IMPG2: variants seen among roughly 807,000 people sequenced by gnomAD.
IMPG2 encodes interphotoreceptor matrix proteoglycan 2, also known as IPM 200.
A neutral mutation model predicts 129.2 loss-of-function variants in IMPG2; 91 were observed. The ratio of observed to expected loss-of-function variants is 0.70; its 90% CI spans 0.59 to 0.84. IMPG2 has a LOEUF of 0.84. Ranked by LOEUF, IMPG2 falls within the 40% of genes least tolerant of loss-of-function variation. IMPG2 has a pLI of 0.00. For synonymous variants in IMPG2, 510 were observed against 517.7 expected (o/e 0.99, Z 0.20); for missense variants, 1,430 against 1,461.7 (o/e 0.98, Z 0.35).
chr3:101,229,322 TC>T (rs929225558), intron 17 of IMPG2, 57 bp downstream of exon 17: 24 of 416,570 alleles, frequency 5.8e-5, no homozygotes, highest in Non-Finnish European at 1.0e-4. Flanking sequence ...CACCCCCTGC[TC>T]CCCCACACAC....
chr3:101,288,718 G>A (rs1706972783), intron 4 of IMPG2, among the ~76,000 whole-genome samples: 1 of 152,106 alleles, frequency 6.6e-6, no homozygotes, highest in Non-Finnish European at 1.5e-5. Flanking sequence ...GTAGGTGTGG[G>A]TTGAAAAACT....
chr3:101,248,512 T>C (rs1706509311), intron 11 of IMPG2, among the ~76,000 whole-genome samples: 1 of 152,196 alleles, frequency 6.6e-6, no homozygotes, highest in African/African-American at 2.4e-5. Context: ...CAGTGCCCCT[T>C]GTCTCTCTGT....
intron 11 of IMPG2, 119 bp downstream of exon 11, chr3:101,253,577 G>C (rs1368558920): frequency 1.3e-6 from 1 of 746,912 alleles, no homozygotes; most frequent in Non-Finnish European, 2.4e-6. Flanking sequence ...TAGGGATGAT[G>C]CAAGAGAATA....
chr3:101,265,323 C>G (rs1332098066), intron 9 of IMPG2, among the ~76,000 whole-genome samples: 1 of 152,080 alleles, frequency 6.6e-6, no homozygotes, highest in African/African-American at 2.4e-5. Context: ...GTCATCAAAA[C>G]AGCCTGGTAC....
intron 3 of IMPG2, among the ~76,000 whole-genome samples, chr3:101,292,863 A>T (rs1275240686): frequency 6.6e-6 from 1 of 152,230 alleles, no homozygotes; most frequent in Non-Finnish European, 1.5e-5. Context: ...AGTAGATTCC[A>T]TCTGAAGGAA....
chr3:101,319,360 T>TTA (rs2058799984), intron 2 of IMPG2, among the ~76,000 whole-genome samples: 1 of 152,164 alleles, frequency 6.6e-6, no homozygotes, highest in Non-Finnish European at 1.5e-5. Context: ...TTAAATGATA[T>TTA]TATTGCCTTA....
intron 2 of IMPG2, among the ~76,000 whole-genome samples, chr3:101,305,520 T>C (rs992704673): frequency 6.6e-6 from 1 of 152,150 alleles, no homozygotes; most frequent in Non-Finnish European, 1.5e-5. Context: ...GCACATAAAT[T>C]GTAACACATA....
intron 15 of IMPG2, among the ~76,000 whole-genome samples, chr3:101,232,557 AT>A (rs921239325): frequency 1.3e-5 from 2 of 148,964 alleles, no homozygotes; most frequent in African/African-American, 2.5e-5. Context: ...TATTTAGACA[AT>A]TTTTTTTTTG....
chr3:101,316,619 G>C (rs1045705108), intron 2 of IMPG2, among the ~76,000 whole-genome samples: 1 of 152,108 alleles, frequency 6.6e-6, no homozygotes, highest in African/African-American at 2.4e-5. Flanking sequence ...CAAGTGTTGA[G>C]AGGATGTGAA....
chr3:101,282,092 A>G (rs1211838727), intron 4 of IMPG2, among the ~76,000 whole-genome samples: 2 of 152,216 alleles, frequency 1.3e-5, no homozygotes, highest in Non-Finnish European at 2.9e-5. Flanking sequence ...ATCTCAAAAA[A>G]TTTATAAAAA....
At chr3:101,231,830 G>A (rs1462314650) in intron 15 of IMPG2, among the ~76,000 whole-genome samples, 1 of 152,194 alleles carries the variant, frequency 6.6e-6, no homozygotes, top group Non-Finnish European at 1.5e-5. Flanking sequence ...TGGTTGGAAA[G>A]TTGATTTGTT....
chr3:101,250,785 G>C (rs1706535066), intron 11 of IMPG2, among the ~76,000 whole-genome samples: 2 of 152,198 alleles, frequency 1.3e-5, no homozygotes, highest in Non-Finnish European at 2.9e-5. Flanking sequence ...CAGATAGGGA[G>C]TGTGGGAGGC....
chr3:101,263,967 C>T (rs1464521595), intron 9 of IMPG2, among the ~76,000 whole-genome samples: 1 of 151,222 alleles, frequency 6.6e-6, no homozygotes, highest in African/African-American at 2.4e-5. Flanking sequence ...CTATGAATAA[C>T]CATATGCCAA....
At position 101,226,101 on chromosome 3, in the gene IMPG2, G is replaced by A. The variant is rs1201916028; in HGVS notation, c.*868C>T. ...TCTTTAGATTTCAGAAGCAATCAGG[G>A]AACCTCAGTCCAGCAATCAAGAAAC... On this transcript the variant is annotated 3_prime_UTR_variant, in exon 19 of 19. Coordinates refer to ENST00000193391, the MANE Select transcript of IMPG2 (RefSeq NM_016247.4). 1 of 153,956 alleles carries A rather than the reference G, an allele frequency of 6.5e-6. No homozygotes were observed. The allele number at this position is 153,956 out of a possible 1,614,324, so 9.5% of individuals were successfully genotyped here.
intron 7 of IMPG2, among the ~76,000 whole-genome samples, chr3:101,271,435 T>C (rs1201265665): frequency 3.9e-5 from 6 of 152,220 alleles, no homozygotes; most frequent in African/African-American, 1.4e-4. Flanking sequence ...AACATTGATA[T>C]TAATAGTCAG....
rs373371977 is a variant in IMPG2 at position 101,294,262 on chromosome 3, G to T, written c.502-2752C>A. ...CCCCTTGGCCCCCACCCCCCGACTAGCCCTGGTTTATGTTGTTCCCCTTCC... is the reference window on the plus strand; with the variant it reads ...CCCCTTGGCCCCCACCCCCCGACTATCCCTGGTTTATGTTGTTCCCCTTCC... On this transcript the variant is annotated intron_variant, in intron 3 of 18. Transcript: ENST00000193391. 1.9e-4 allele frequency among the ~76,000 whole-genome samples: 29 copies of T among 150,620 alleles called. No individual in the cohort carries two copies. The East Asian group carries it at 3.7e-3, about 19-fold the overall frequency.
chr3:101,316,872 A>T (rs1164749423), intron 2 of IMPG2, among the ~76,000 whole-genome samples: 1 of 152,156 alleles, frequency 6.6e-6, no homozygotes, highest in Non-Finnish European at 1.5e-5. Context: ...AATATAGAAT[A>T]CTACCCAACA....
rs748868844 is a variant in IMPG2 at position 101,243,759 on chromosome 3, G to T, written c.2572C>A (p.Gln858Lys). The change falls in exon 13 of 19, where the codon CAA becomes AAA. Residue 858 changes from glutamine to lysine, a missense_variant. Transcript: ENST00000193391. ...ACATAACTACCAACCTTGCCATTTT[G>T]CTCTTGGACTTGCTCAGGCTGATAG... is the stretch of plus-strand genomic sequence containing the variant. ...DYYQPEQVQE[Q>K]NGKVGSYVEM... The T allele has an allele frequency of 1.9e-6, 3 of 1,613,792 alleles. No homozygotes were observed. Among genetic ancestry groups the T allele is most frequent in the Non-Finnish European group, 2.5e-6 (3 of 1,179,738 alleles).
chr3:101,255,974 G>A (rs1460273107), intron 10 of IMPG2, among the ~76,000 whole-genome samples: 1 of 150,820 alleles, frequency 6.6e-6, no homozygotes, highest in African/African-American at 2.5e-5. Flanking sequence ...CCCTGTCTCA[G>A]CAGAGTGTCA....
Sources: allele counts gnomAD v4.1 joint callset (sites outside exome capture counted in the v4.1 genomes callset), GRCh38; gene constraint gnomAD v4.1.1; transcripts MANE v1.5; gene names NCBI Gene and HGNC (gene_info 2026-07-23, HGNC 2026-07-21).